Variants in PDE3A observed in about 807,000 individuals in gnomAD.
PDE3A encodes the protein cGMP-inhibited 3',5'-cyclic phosphodiesterase 3A.
In PDE3A, 43 loss-of-function variants were observed where a neutral mutation model predicts 98.3. The observed-to-expected ratio is 0.44, with a 90% CI of 0.34 to 0.56. The LOEUF is 0.56. Ranked by LOEUF, PDE3A falls within the 20% of genes least tolerant of loss-of-function variation. PDE3A has a pLI of 0.01. For synonymous variants in PDE3A, 663 were observed against 567.9 expected (o/e 1.17, Z -2.38); for missense variants, 1,427 against 1,440.7 (o/e 0.99, Z 0.15).
intron 15 of PDE3A, among the ~76,000 whole-genome samples, chr12:20,675,065 T>C (rs1306000884): frequency 6.6e-6 from 1 of 152,084 alleles, no homozygotes; most frequent in Non-Finnish European, 1.5e-5. Flanking sequence ...TTTTTGTTGT[T>C]GATATTTATT....
chr12:20,551,964 C>G (rs911290222), intron 1 of PDE3A: 29 of 1,612,742 alleles, frequency 1.8e-5, no homozygotes, highest in Non-Finnish European at 2.5e-5. Context: ...ATCGGCCCCA[C>G]GTGGCTGGCA....
chr12:20,663,233 T>G (rs1174644119), intron 15 of PDE3A, among the ~76,000 whole-genome samples: 2 of 152,064 alleles, frequency 1.3e-5, no homozygotes, highest in African/African-American at 4.8e-5. Flanking sequence ...GCTACAGGGG[T>G]GGAGCCCTCA....
chr12:20,494,158 G>A (rs1012806644), intron 1 of PDE3A, among the ~76,000 whole-genome samples: 1 of 152,198 alleles, frequency 6.6e-6, no homozygotes, highest in Non-Finnish European at 1.5e-5. Flanking sequence ...GCCGCTCTCT[G>A]ATGAGAAGGA....
chr12:20,481,725 A>G (rs1591976083), intron 1 of PDE3A, among the ~76,000 whole-genome samples: 1 of 148,280 alleles, frequency 6.7e-6, no homozygotes, highest in Non-Finnish European at 1.5e-5. Context: ...GGCTTCAACA[A>G]TTTATTCAGA....
chr12:20,400,533 G>T (rs534958351), intron 1 of PDE3A, among the ~76,000 whole-genome samples: 2 of 151,394 alleles, frequency 1.3e-5, no homozygotes, highest in South Asian at 4.2e-4. Context: ...CAGCCTCCCA[G>T]GTAGCTGGGA....
At chr12:20,500,108 T>A (rs10841557) in intron 1 of PDE3A, among the ~76,000 whole-genome samples, 91,130 of 151,948 alleles carry the variant, frequency 0.6, 27,589 homozygotes, top group Admixed American at 0.72. Context: ...TTTCACTCTG[T>A]TGAAATTCAC....
At chr12:20,386,085 A>ATATATAAATATATAAATATG (rs1943771773) in intron 1 of PDE3A, among the ~76,000 whole-genome samples, 1 of 35,886 alleles carries the variant, frequency 2.8e-5, no homozygotes, top group African/African-American at 8.8e-5. Context: ...ATATATAAAT[A>ATATATAAATATATAAATATG]TATAAATATA....
intron 4 of PDE3A, 51 bp downstream of exon 4, chr12:20,616,435 A>C: frequency 6.5e-7 from 1 of 1,542,794 alleles, no homozygotes; most frequent in Non-Finnish European, 8.9e-7. Context: ...GTTACTTGCC[A>C]AAAATGAGTT....
chr12:20,590,470 G>A (rs1943310188), intron 2 of PDE3A, among the ~76,000 whole-genome samples: 1 of 150,146 alleles, frequency 6.7e-6, no homozygotes, highest in Non-Finnish European at 1.5e-5. Flanking sequence ...GAGGAGAAAG[G>A]ACATATCAAG....
intron 2 of PDE3A, among the ~76,000 whole-genome samples, chr12:20,559,987 C>G (rs1348960550): frequency 6.6e-6 from 1 of 152,076 alleles, no homozygotes; most frequent in African/African-American, 2.4e-5. Flanking sequence ...ACTTTATTGA[C>G]TAGATAGGCA....
chr12:20,624,216 A>C (rs1278864201), intron 5 of PDE3A, among the ~76,000 whole-genome samples: 1 of 152,154 alleles, frequency 6.6e-6, no homozygotes, highest in Non-Finnish European at 1.5e-5. Flanking sequence ...ATTTAAAACT[A>C]GGATATTTTG....
chr12:20,659,493 G>A (rs1283390972), intron 15 of PDE3A, among the ~76,000 whole-genome samples: 3 of 151,870 alleles, frequency 2.0e-5, no homozygotes, highest in Non-Finnish European at 4.4e-5. Flanking sequence ...TGCTCCCAGA[G>A]TAAGTCATAT....
chr12:20,477,706 C>T (rs892643036), intron 1 of PDE3A, among the ~76,000 whole-genome samples: 1 of 152,092 alleles, frequency 6.6e-6, no homozygotes, highest in African/African-American at 2.4e-5. Flanking sequence ...ATGTATAAGA[C>T]GAAGAAAACT....
intron 1 of PDE3A, among the ~76,000 whole-genome samples, chr12:20,416,346 T>C (rs1944421011): frequency 6.6e-6 from 1 of 152,212 alleles, no homozygotes; most frequent in Admixed American, 6.5e-5. Context: ...GTGCGGAATA[T>C]TTGACAACTA....
chr12:20,416,215 T>C (rs1215812875), intron 1 of PDE3A, among the ~76,000 whole-genome samples: 2 of 152,180 alleles, frequency 1.3e-5, no homozygotes, highest in Non-Finnish European at 2.9e-5. Context: ...ATGGAAAGCA[T>C]ATGTGACTTT....
intron 1 of PDE3A, among the ~76,000 whole-genome samples, chr12:20,535,411 G>A (rs1941723346): frequency 6.6e-6 from 1 of 152,184 alleles, no homozygotes; most frequent in Admixed American, 6.5e-5. Flanking sequence ...GTAAGAGTTA[G>A]TGTTTCAAAG....
At chr12:20,493,313 G>T (rs1233857620) in intron 1 of PDE3A, among the ~76,000 whole-genome samples, 4 of 151,912 alleles carry the variant, frequency 2.6e-5, no homozygotes, top group Non-Finnish European at 5.9e-5. Flanking sequence ...TGCCTTTGTG[G>T]ATTCAACCAA....
intron 1 of PDE3A, among the ~76,000 whole-genome samples, chr12:20,388,067 C>T (rs1481954890): frequency 1.3e-5 from 2 of 151,914 alleles, no homozygotes; most frequent in Non-Finnish European, 2.9e-5. Context: ...GAAATGTATT[C>T]CTTTGACATT....
chr12:20,572,282 T>C lies in PDE3A; in HGVS notation c.1011+15572T>C, dbSNP rs867894593. 9 of 287,188 alleles carry C rather than the reference T, an allele frequency of 3.1e-5. 1 individual carries two copies. In the Middle Eastern group the frequency reaches 7.7e-3, roughly 244 times the overall value. 17.8% of individuals were successfully genotyped at this position (287,188 alleles called of 1,614,324 possible). A position where few individuals can be genotyped will look rare whatever the true frequency, so the allele number is the denominator to read the frequency against. On this transcript the variant is annotated intron_variant, in intron 2 of 15. Coordinates refer to ENST00000359062, the MANE Select transcript of PDE3A (RefSeq NM_000921.5). ...CATAAAGTAATCCAAATCAAGTTTA[T>C]GATAAACTGGCTCAGTGTATTTATT...
Sources: gnomAD v4.1 joint callset for allele counts (sites outside exome capture counted in the v4.1 genomes callset) on GRCh38, gnomAD v4.1.1 for gene constraint, MANE v1.5 for transcripts, NCBI Gene and HGNC (gene_info 2026-07-23, HGNC 2026-07-21) for gene names.